Variants in ERN2 observed in about 807,000 individuals in gnomAD.
ERN2 encodes the protein serine/threonine-protein kinase/endoribonuclease IRE2.
Under a neutral mutation model 107.9 loss-of-function variants are expected in ERN2, and 111 were observed. The observed-to-expected ratio is 1.03, with a 90% CI of 0.88 to 1.20. The LOEUF (loss-of-function observed/expected upper bound fraction) is 1.20, where lower values mean the gene tolerates loss of function less well. Ranked by LOEUF, ERN2 falls within the 50% of genes most tolerant of loss-of-function variation. ERN2 has a pLI of 0.00. For missense variants in ERN2, 1,225 were observed against 1,197.9 expected, an observed-to-expected ratio of 1.02 and a Z score of -0.33; for synonymous variants, 524 against 501.7, an observed-to-expected ratio of 1.04 and a Z score of -0.59.
intron 7 of ERN2, among the ~76,000 whole-genome samples, chr16:23,706,047 G>A (rs1396774856): frequency 6.6e-6 from 1 of 152,138 alleles, no homozygotes; most frequent in Non-Finnish European, 1.5e-5. Flanking sequence ...GCTGTTTGGG[G>A]TCACTCTGGA....
chr16:23,695,205 G>C lies in ERN2; in HGVS notation c.1795C>G (p.Gln599Glu). 1 of 1,613,930 alleles carries C rather than the reference G, an allele frequency of 6.2e-7. No homozygotes were observed. Among genetic ancestry groups the C allele is most frequent in the Non-Finnish European group, 8.5e-7 (1 of 1,179,876 alleles). ...IALELCRASL[Q>E]EYVENPDLDR... is the part of the protein sequence containing the mutation. The stretch of plus-strand genomic sequence containing the variant: ...TGAACCGCAATGCAACTCACCTCCT[G>C]CAAGGAGGCCCGGCAGAGCTCCAGG... The change falls in exon 15 of 22, where the codon CAG becomes GAG. Residue 599 changes from glutamine (Q) to glutamate (E), a missense_variant. Transcript: ENST00000256797.
Position 23,691,170 on chromosome 16 carries a change from C to G in ERN2, c.2527G>C (p.Gly843Arg). Residue 843 changes from glycine to arginine, a missense_variant, in exon 21 of 22, where the codon GGG becomes CGG. Coordinates refer to ENST00000256797, the MANE Select transcript of ERN2 (RefSeq NM_033266.4). ...TDLRKFRSYK[G>R]TSVRDLLRAV... ...CGGAGCAGGTCTCGCACTGATGTCCCCTTATAGGACCGGAACTTTCTCAGA... is the reference window on the plus strand; with the variant it reads ...CGGAGCAGGTCTCGCACTGATGTCCGCTTATAGGACCGGAACTTTCTCAGA... 1 of 1,614,066 alleles carries G rather than the reference C, an allele frequency of 6.2e-7. No homozygotes were observed. The highest frequency in any genetic ancestry group is 1.1e-5 in the South Asian group (1 of 91,070).
intron 8 of ERN2, among the ~76,000 whole-genome samples, chr16:23,704,520 T>G (rs549777979): frequency 6.6e-6 from 1 of 152,224 alleles, no homozygotes; most frequent in South Asian, 2.1e-4. Context: ...GCCATGATTG[T>G]GAGGCTTCCC....
At position 23,700,602 on chromosome 16, in the gene ERN2, G is replaced by C. The variant is rs750839123; in HGVS notation, c.1462C>G (p.Arg488Gly). 6.2e-7 allele frequency: 1 copy of C among 1,614,010 alleles called. No homozygotes were observed. Among genetic ancestry groups the C allele is most frequent in the African/African-American group, 1.3e-5 (1 of 74,936 alleles). ...DAQSLHSGASRRSQKRLQSPS... is the reference protein window; with the variant it reads ...DAQSLHSGASGRSQKRLQSPS... Reference sequence around the variant, plus strand: ...CTCTGAAGCCTCTTCTGGCTCCTCCGGCTGGCCCCCGAGTGCAGGGACTGG... The same window carrying C: ...CTCTGAAGCCTCTTCTGGCTCCTCCCGCTGGCCCCCGAGTGCAGGGACTGG... The change falls in exon 13 of 22, where the codon CGG becomes GGG. Residue 488 changes from arginine to glycine, a missense_variant. Transcript: ENST00000256797.
chr16:23,711,914 C>T, intron 1 of ERN2: 1 of 257,392 alleles, frequency 3.9e-6, no homozygotes, highest in Non-Finnish European at 8.5e-6. Context: ...CAGTGGGTCC[C>T]TTGACCCAAG....
chr16:23,691,215 G>C lies in ERN2; in HGVS notation c.2501-19C>G. ...CTCAGATCTGTGGACAGGGAATTCA[G>C]TGGCAAAACCGTCCCTGCTAGACTC... On this transcript the variant is annotated intron_variant, in intron 20 of 21. Coordinates refer to ENST00000256797, the MANE Select transcript of ERN2 (RefSeq NM_033266.4). 6.2e-7 allele frequency: 1 copy of C among 1,613,842 alleles called. No homozygotes were observed. The highest frequency in any genetic ancestry group is 1.1e-5 in the South Asian group (1 of 91,078).
Position 23,694,889 on chromosome 16 carries a change from C to G in ERN2, c.1939G>C (p.Gly647Arg), listed in dbSNP as rs764399609. 2 of 1,614,188 alleles carry G rather than the reference C, an allele frequency of 1.2e-6. No individual in the cohort carries two copies. Among genetic ancestry groups the G allele is most frequent in the Non-Finnish European group, 8.5e-7 (1 of 1,180,040 alleles). Residue 647 changes from glycine to arginine, a missense_variant, in exon 17 of 22, where the codon GGG (glycine) becomes CGG (arginine). Physicochemically the swap from Gly to Arg is moderately radical, Grantham distance 125. Coordinates refer to ENST00000256797, the MANE Select transcript of ERN2 (RefSeq NM_033266.4). ...DLKPGNILIT[G>R]PDSQGLGRVV... ...CTGCCCAGGCCCTGGCTGTCAGGCC[C>G]GGTGATGAGAATATTTCCTGGCTTC...
intron 13 of ERN2, 40 bp downstream of exon 13, chr16:23,700,497 TTC>T (rs1448905239): frequency 2.4e-5 from 37 of 1,554,194 alleles, no homozygotes; most frequent in Non-Finnish European, 3.1e-5. Context: ...CCCCTGGCTT[TTC>T]TCTGTTCCTG....
intron 4 of ERN2, chr16:23,709,943 C>A: frequency 2.0e-6 from 1 of 512,628 alleles, no homozygotes. Context: ...TGGAGAAGGC[C>A]CTGGGATACC....
chr16:23,697,290 A>G (rs963123010), intron 13 of ERN2: 2 of 152,198 alleles, frequency 1.3e-5, no homozygotes, highest in Admixed American at 6.5e-5. Context: ...CTTAGAGTTC[A>G]TACTCATCTG....
rs1018013844 is a variant in ERN2, at chr16:23,702,429, AG to A, written c.1041del (p.Ser348GlnfsTer27). 6.2e-7 allele frequency: 1 copy of A among 1,613,516 alleles called. No homozygotes were observed. The highest frequency in any genetic ancestry group is 1.3e-5 in the African/African-American group (1 of 74,920). On this transcript the variant is annotated frameshift_variant, in exon 10 of 22. Transcript: ENST00000256797. LOFTEE classifies it high-confidence loss of function. The part of the protein sequence containing the change: ...EGSPSTAVRY[P>X]SGSVALPSQW... ...TGGCTTGGGAGGGCCACACTGCCTG[AG>A]GGGTATCTAACAGCAGTGCTGGGTG... is the stretch of plus-strand genomic sequence containing the variant.
intron 13 of ERN2, chr16:23,696,981 C>G (rs1959853969): frequency 1.3e-5 from 2 of 150,752 alleles, no homozygotes; most frequent in African/African-American, 4.9e-5. Context: ...AGTTCAAGAC[C>G]AGCCTGGGAA....
At chr16:23,710,278 G>T in intron 3 of ERN2, 34 bp from the exon 4 acceptor site, 1 of 1,574,758 alleles carries the variant, frequency 6.4e-7, no homozygotes, top group Non-Finnish European at 8.7e-7. Context: ...AGACCAATGG[G>T]TTCTTGCCCC....
chr16:23,710,757 GT>G (rs1289317139), intron 2 of ERN2, among the ~76,000 whole-genome samples, 155 bp downstream of exon 2: 1 of 152,220 alleles, frequency 6.6e-6, no homozygotes, highest in African/African-American at 2.4e-5. Flanking sequence ...GGTAAGGTGG[GT>G]TTCTCAAGGC....
chr16:23,705,104 A>G lies in ERN2; in HGVS notation c.633T>C (p.Thr211=). The change falls in exon 8 of 22, where the codon ACT becomes ACC. Residue 211 remains threonine (T), a synonymous_variant. Transcript: ENST00000256797. ...GCACCGTCCCGCTTCCTGGGTCCAC[A>G]GTGAGCAGCAGGCCCATCCCGCAGG... ...LASCGMGLLL[T]VDPGSGTVLW... 1 of 1,613,836 alleles carries G rather than the reference A, an allele frequency of 6.2e-7. No homozygotes were observed. Among genetic ancestry groups the G allele is most frequent in the East Asian group, 2.2e-5 (1 of 44,870 alleles).
At position 23,692,338 on chromosome 16, in the gene ERN2, C is replaced by T; in HGVS notation, c.2101-7G>A. 6.2e-7 allele frequency: 1 copy of T among 1,611,456 alleles called. No homozygotes were observed. On this transcript the variant is annotated splice_polypyrimidine_tract_variant and splice_region_variant and intron_variant, in intron 17 of 21. Coordinates refer to ENST00000256797, the MANE Select transcript of ERN2 (RefSeq NM_033266.4). Reference sequence around the variant, plus strand: ...AGATGTCCACAGCGCTGGTCTGGAGCCAGAGAGATGGGCATGAGAAGGAAA... The same window carrying T: ...AGATGTCCACAGCGCTGGTCTGGAGTCAGAGAGATGGGCATGAGAAGGAAA...
At chr16:23,713,010 G>T in intron 1 of ERN2, 85 bp downstream of exon 1, 6 of 1,095,402 alleles carry the variant, frequency 5.5e-6, no homozygotes, top group Non-Finnish European at 7.4e-6. Context: ...CCGTGGCCCC[G>T]CCGCGCCCTC....
At chr16:23,693,519 G>T (rs2141005024) in intron 17 of ERN2, among the ~76,000 whole-genome samples, 1 of 151,932 alleles carries the variant, frequency 6.6e-6, no homozygotes, top group South Asian at 2.1e-4. Context: ...AACCCAGGAG[G>T]TGGAGGTTGC....
At chr16:23,697,974 G>A (rs965281593) in intron 13 of ERN2, among the ~76,000 whole-genome samples, 1 of 151,980 alleles carries the variant, frequency 6.6e-6, no homozygotes, top group African/African-American at 2.4e-5. Context: ...ATGTTGCCCA[G>A]GCTGGGCTCA....
Sources: allele counts gnomAD v4.1 joint callset (sites outside exome capture counted in the v4.1 genomes callset), GRCh38; gene constraint gnomAD v4.1.1; transcripts MANE v1.5; gene names NCBI Gene and HGNC (gene_info 2026-07-23, HGNC 2026-07-21).